The following THRB variants were observed in gnomAD, a reference collection of about 807,000 sequenced individuals.
THRB encodes nuclear receptor subfamily 1 group A member 2.
A neutral mutation model predicts 47.8 loss-of-function variants in THRB; 12 were observed. The observed-to-expected ratio is 0.25, with a 90% confidence interval of 0.16 to 0.41. The LOEUF is 0.41. THRB is among the 10% of genes least tolerant of loss of function. The pLI is 1.00. For missense variants in THRB, 348 were observed against 589.2 expected, an observed-to-expected ratio of 0.59 and a Z score of 4.24; for synonymous variants, 218 against 212.2, an observed-to-expected ratio of 1.03 and a Z score of -0.24.
At position 24,326,756 on chromosome 3, in the gene THRB, C is replaced by CTTTT. The variant is rs1174687260; in HGVS notation, c.-189+10540_-189+10543dup. Among the ~76,000 whole-genome samples, 283 of 49,986 alleles carry CTTTT rather than the reference C, an allele frequency of 5.7e-3. 65 individuals are homozygous for CTTTT. The highest frequency in any genetic ancestry group is 0.028 in the African/African-American group (269 of 9,630). The allele number at this position is 49,986 out of a possible 152,430, so 32.8% of individuals were successfully genotyped here. Reference sequence around the variant, plus strand: ...TTCACTAGAAGCTGTCCAGTCTTGTCTTTTTTTTTTTTTTTTTTTTTTTTT... The same window carrying CTTTT: ...TTCACTAGAAGCTGTCCAGTCTTGTCTTTTTTTTTTTTTTTTTTTTTTTTTTTTT... On this transcript the variant is annotated intron_variant, in intron 2 of 10. Transcript: ENST00000646209.
intron 1 of THRB, among the ~76,000 whole-genome samples, chr3:24,469,043 C>T (rs1005425169): frequency 1.3e-5 from 2 of 152,176 alleles, no homozygotes. Context: ...CACACAGACA[C>T]ATCCCCATGG....
At chr3:24,424,427 G>A (rs1577462385) in intron 1 of THRB, among the ~76,000 whole-genome samples, 1 of 151,978 alleles carries the variant, frequency 6.6e-6, no homozygotes, top group East Asian at 1.9e-4. Flanking sequence ...GGTTCTCAAA[G>A]TGGGGTTCCT....
At chr3:24,354,525 CATCTTA>C (rs1243546366) in intron 1 of THRB, among the ~76,000 whole-genome samples, 1 of 152,102 alleles carries the variant, frequency 6.6e-6, no homozygotes, top group East Asian at 1.9e-4. Context: ...ACTTTTTCAA[CATCTTA>C]GAGTGTCTGC....
At chr3:24,411,894 C>G (rs1210264187) in intron 1 of THRB, among the ~76,000 whole-genome samples, 1 of 151,772 alleles carries the variant, frequency 6.6e-6, no homozygotes, top group Non-Finnish European at 1.5e-5. Flanking sequence ...GGGATCTGAT[C>G]AGCTGAGTAG....
chr3:24,160,196 G>A (rs1424395165), intron 5 of THRB, among the ~76,000 whole-genome samples: 1 of 152,176 alleles, frequency 6.6e-6, no homozygotes, highest in East Asian at 1.9e-4. Context: ...GTGACAGAGA[G>A]AGGAACCCAT....
At chr3:24,262,927 T>C (rs905397197) in intron 3 of THRB, among the ~76,000 whole-genome samples, 8 of 152,154 alleles carry the variant, frequency 5.3e-5, no homozygotes, top group African/African-American at 1.9e-4. Context: ...ACTCAATACA[T>C]TTATGTGTAG....
At chr3:24,425,681 C>A (rs1164083276) in intron 1 of THRB, among the ~76,000 whole-genome samples, 1 of 151,916 alleles carries the variant, frequency 6.6e-6, no homozygotes, top group Non-Finnish European at 1.5e-5. Context: ...TTTAGTCCTT[C>A]TCTGATTATT....
chr3:24,261,512 AAAAAAACC>A (rs1490108126), intron 3 of THRB, among the ~76,000 whole-genome samples: 1 of 149,926 alleles, frequency 6.7e-6, no homozygotes, highest in African/African-American at 2.5e-5. Context: ...AAAAAAAAAA[AAAAAAACC>A]AAAAAAAACT....
intron 5 of THRB, among the ~76,000 whole-genome samples, chr3:24,187,110 A>C (rs1184097175): frequency 6.6e-6 from 1 of 152,196 alleles, no homozygotes; most frequent in Non-Finnish European, 1.5e-5. Context: ...ACATGGTTCT[A>C]CTGCACAGGA....
intron 4 of THRB, among the ~76,000 whole-genome samples, chr3:24,219,070 C>T (rs2046906853): frequency 6.6e-6 from 1 of 152,012 alleles, no homozygotes; most frequent in Non-Finnish European, 1.5e-5. Flanking sequence ...AGTTTAAGAC[C>T]AGCCTGGTCA....
In THRB at chr3:24,120,072, T is replaced by G. The variant is rs558371830; in HGVS notation, c.*2812A>C. 6.6e-6 allele frequency: 1 copy of G among 152,298 alleles called. No homozygotes were observed. The highest frequency in any genetic ancestry group is 2.1e-4 in the South Asian group (1 of 4,828). The allele number at this position is 152,298 out of a possible 1,614,324, so 9.4% of individuals were successfully genotyped here. ...AGTCTGGACAATAGATGAAAAAATG[T>G]TTAGAAAAATCTAGAGCAAATCCCT... On this transcript the variant is annotated 3_prime_UTR_variant, in exon 11 of 11. Transcript: ENST00000646209.
chr3:24,479,966 T>C (rs538405740), intron 1 of THRB, among the ~76,000 whole-genome samples: 1 of 152,296 alleles, frequency 6.6e-6, no homozygotes, highest in South Asian at 2.1e-4. Flanking sequence ...GGTGAATAAA[T>C]ACCTACTCCC....
rs78813444 is a variant in THRB at position 24,210,024 on chromosome 3, C to T, written c.22+18914G>A. On this transcript the variant is annotated intron_variant, in intron 4 of 10. Coordinates refer to ENST00000646209, the MANE Select transcript of THRB (RefSeq NM_001354712.2). ...TGTGGAGAGAACAGAATTAACAAAACGGTGATGTCAAAATGCTCTCCAACC... is the reference window on the plus strand; with the variant it reads ...TGTGGAGAGAACAGAATTAACAAAATGGTGATGTCAAAATGCTCTCCAACC... 2.8e-3 allele frequency among the ~76,000 whole-genome samples: 419 copies of T among 152,234 alleles called. 14 individuals are homozygous for T. The East Asian group carries it at 0.056, about 20-fold the overall frequency.
At chr3:24,189,201 T>C (rs2043022743) in intron 5 of THRB, among the ~76,000 whole-genome samples, 1 of 152,114 alleles carries the variant, frequency 6.6e-6, no homozygotes, top group Non-Finnish European at 1.5e-5. Context: ...GGTATATGAT[T>C]GTGAGATTTT....
At chr3:24,217,699 T>G (rs1266024552) in intron 4 of THRB, among the ~76,000 whole-genome samples, 2 of 152,184 alleles carry the variant, frequency 1.3e-5, no homozygotes, top group East Asian at 3.9e-4. Context: ...TATGACTTCC[T>G]ACATGATGTG....
chr3:24,494,920 G>A (rs1245038161), upstream of THRB: 6 of 152,476 alleles, frequency 3.9e-5, no homozygotes, highest in African/African-American at 1.4e-4. Flanking sequence ...GGGTCCCGGG[G>A]AGCGCCGGCG....
rs2149003896 is a variant in THRB, at chr3:24,143,664, A to G, written c.575T>C (p.Ile192Thr). 6.2e-7 allele frequency: 1 copy of G among 1,613,934 alleles called. No individual in the cohort carries two copies. Among genetic ancestry groups the G allele is most frequent in the African/African-American group, 1.3e-5 (1 of 74,950 alleles). ...DSKRLAKRKL[I>T]EENREKRRRE... ...CCGTCTTTTCTCCCGGTTCTCCTCTATCAGCTTCCTCTTGGCCAGCCTCTT... is the reference window on the plus strand; with the variant it reads ...CCGTCTTTTCTCCCGGTTCTCCTCTGTCAGCTTCCTCTTGGCCAGCCTCTT... The change falls in exon 8 of 11, where the codon ATA (isoleucine) becomes ACA (threonine). Residue 192 changes from isoleucine (I) to threonine (T), a missense_variant. Ile to Thr is a moderately conservative substitution (Grantham distance 89). This residue lies in a region of THRB where 112 missense variants were observed against 212.3 expected (regional missense o/e 0.53). Transcript: ENST00000646209.
chr3:24,372,995 G>C (rs1334427351), intron 1 of THRB, among the ~76,000 whole-genome samples: 1 of 152,078 alleles, frequency 6.6e-6, no homozygotes, highest in Non-Finnish European at 1.5e-5. Flanking sequence ...TCAAGGGGCC[G>C]AGGGGCCTAG....
At chr3:24,345,473 T>A (rs576966974) in intron 1 of THRB, among the ~76,000 whole-genome samples, 1 of 152,180 alleles carries the variant, frequency 6.6e-6, no homozygotes, top group African/African-American at 2.4e-5. Context: ...AACATAATAA[T>A]AAAAACAAAT....
Sources: gnomAD v4.1 joint callset for allele counts (sites outside exome capture counted in the v4.1 genomes callset) on GRCh38, gnomAD v4.1.1 for gene constraint, gnomAD v4.1.1 regional missense constraint, MANE v1.5 for transcripts, NCBI Gene and HGNC (gene_info 2026-07-23, HGNC 2026-07-21) for gene names.